Variants in CSMD1 observed in about 807,000 individuals in gnomAD.
CSMD1 encodes the protein CUB and sushi domain-containing protein 1.
Under a neutral mutation model 417.5 loss-of-function variants are expected in CSMD1, and 213 were observed. The ratio of observed to expected loss-of-function variants is 0.51; its 90% CI spans 0.46 to 0.57. The LOEUF (loss-of-function observed/expected upper bound fraction) is 0.57. Among genes scored for constraint, CSMD1 ranks in the 20% least tolerant of loss-of-function variants. The pLI is 0.00. For synonymous variants in CSMD1, 2,862 were observed against 1,736.8 expected, an observed-to-expected ratio of 1.65 and a Z score of -16.11; for missense variants, 6,923 against 4,529.7, an observed-to-expected ratio of 1.53 and a Z score of -15.17.
intron 2 of CSMD1, among the ~76,000 whole-genome samples, chr8:4,465,153 T>C (rs1800088361): frequency 6.6e-6 from 1 of 152,178 alleles, no homozygotes; most frequent in South Asian, 2.1e-4. Context: ...ACCCCCAAAC[T>C]ATGTCACTTT....
intron 5 of CSMD1, among the ~76,000 whole-genome samples, chr8:3,870,933 T>G (rs1805442374): frequency 6.6e-6 from 1 of 152,074 alleles, no homozygotes; most frequent in Non-Finnish European, 1.5e-5. Flanking sequence ...TAGCTTTTTA[T>G]GTATTCATAA....
chr8:4,135,639 G>A (rs943274592), intron 3 of CSMD1, among the ~76,000 whole-genome samples: 1 of 152,046 alleles, frequency 6.6e-6, no homozygotes, highest in South Asian at 2.1e-4. Flanking sequence ...AAAGATGTTT[G>A]GGATAATATA....
intron 1 of CSMD1, among the ~76,000 whole-genome samples, chr8:4,749,304 G>C (rs554407437): frequency 2.0e-5 from 3 of 152,286 alleles, no homozygotes; most frequent in Middle Eastern, 3.4e-3. Flanking sequence ...GTTACTTTTA[G>C]TTTGACATTG....
intron 5 of CSMD1, among the ~76,000 whole-genome samples, chr8:3,795,955 TACAG>T (rs1460468841): frequency 4.5e-5 from 2 of 44,688 alleles, no homozygotes; most frequent in Non-Finnish European, 8.4e-5. Context: ...ATCTATCATG[TACAG>T]ATATAGATAT....
At chr8:3,961,447 A>G (rs1274387480) in intron 5 of CSMD1, among the ~76,000 whole-genome samples, 1 of 152,206 alleles carries the variant, frequency 6.6e-6, no homozygotes, top group Non-Finnish European at 1.5e-5. Context: ...GATCTTTGAC[A>G]CAGATTTAAA....
chr8:4,636,883 C>A (rs1802843401), intron 2 of CSMD1, among the ~76,000 whole-genome samples: 1 of 152,058 alleles, frequency 6.6e-6, no homozygotes, highest in Non-Finnish European at 1.5e-5. Flanking sequence ...TTGTAAAATG[C>A]ACCAATCAGC....
At chr8:3,476,294 T>C (rs1817415307) in intron 11 of CSMD1, among the ~76,000 whole-genome samples, 2 of 152,232 alleles carry the variant, frequency 1.3e-5, no homozygotes, top group African/African-American at 4.8e-5. Flanking sequence ...ATCAGTAGTT[T>C]GTTTTTGGGA....
At chr8:4,610,940 A>G (rs954156937) in intron 2 of CSMD1, among the ~76,000 whole-genome samples, 1 of 152,194 alleles carries the variant, frequency 6.6e-6, no homozygotes, top group African/African-American at 2.4e-5. Context: ...TGGAAATCAC[A>G]TTCGATAAAA....
rs542808421 is a variant in CSMD1, at chr8:4,428,202, T to C, written c.303-8137A>G. 4.7e-4 allele frequency among the ~76,000 whole-genome samples: 71 copies of C among 152,326 alleles called. No homozygotes were observed. In the South Asian group the frequency reaches 0.014, roughly 31 times the overall value. On this transcript the variant is annotated intron_variant, in intron 2 of 69. Coordinates refer to ENST00000635120, the MANE Select transcript of CSMD1 (RefSeq NM_033225.6). ...AGGAAAACAAACCCATGTTCACTTG[T>C]ACTGTGTCCACTGAACCACACATTC...
intron 3 of CSMD1, among the ~76,000 whole-genome samples, chr8:4,206,605 T>C (rs1770044644): frequency 6.6e-6 from 1 of 152,162 alleles, no homozygotes; most frequent in Non-Finnish European, 1.5e-5. Flanking sequence ...TCTGGGTTGG[T>C]TCCAAGCTTT....
intron 4 of CSMD1, among the ~76,000 whole-genome samples, chr8:4,023,916 C>G (rs1461016673): frequency 6.6e-6 from 1 of 151,800 alleles, no homozygotes; most frequent in African/African-American, 2.4e-5. Context: ...AGCACCCGAC[C>G]ACTGCTTTTC....
At chr8:3,664,057 G>C (rs1423368839) in intron 7 of CSMD1, among the ~76,000 whole-genome samples, 2 of 152,166 alleles carry the variant, frequency 1.3e-5, no homozygotes, top group African/African-American at 4.8e-5. Flanking sequence ...TAAACTTTAA[G>C]TTCTAGGGTA....
chr8:4,104,691 G>C (rs186427715), intron 3 of CSMD1, among the ~76,000 whole-genome samples: 1 of 152,226 alleles, frequency 6.6e-6, no homozygotes, highest in Admixed American at 6.5e-5. Flanking sequence ...AGTTCCAGGC[G>C]GTTTCACACA....
chr8:4,246,140 G>C (rs1329300770), intron 3 of CSMD1, among the ~76,000 whole-genome samples: 1 of 152,088 alleles, frequency 6.6e-6, no homozygotes, highest in South Asian at 2.1e-4. Flanking sequence ...ATTAAGCCTA[G>C]TACCCATTAT....
chr8:2,951,081 C>T, intron 66 of CSMD1, 33 bp downstream of exon 66: 3 of 1,598,506 alleles, frequency 1.9e-6, no homozygotes, highest in Non-Finnish European at 2.6e-6. Context: ...TTTCTGCTCA[C>T]ACCATGCGTT....
At chr8:3,737,138 T>A (rs1018621086) in intron 6 of CSMD1, among the ~76,000 whole-genome samples, 4 of 152,248 alleles carry the variant, frequency 2.6e-5, no homozygotes, top group African/African-American at 7.2e-5. Context: ...TTAAATTAGA[T>A]GGGAACAGAG....
chr8:4,644,406 C>T (rs183858668), intron 1 of CSMD1, among the ~76,000 whole-genome samples: 56 of 87,240 alleles, frequency 6.4e-4, no homozygotes, highest in African/African-American at 2.4e-3. Context: ...TACATGCTAC[C>T]CTTTGCCCTA....
At chr8:3,369,142 A>C in intron 19 of CSMD1, 112 bp downstream of exon 19, 1 of 587,564 alleles carries the variant, frequency 1.7e-6, no homozygotes, top group Non-Finnish European at 3.1e-6. Context: ...TGAACTATAC[A>C]TGAGAAAAGT....
intron 2 of CSMD1, among the ~76,000 whole-genome samples, chr8:4,441,095 G>GTTTTTGTTTTTTTTTTTTTT (rs1798444278): frequency 3.9e-5 from 2 of 51,296 alleles, no homozygotes; most frequent in African/African-American, 1.3e-4. Context: ...TAATCAAAAG[G>GTTTTTGTTTTTTTTTTTTTT]TTTTTTTTTT....
Sources: allele counts gnomAD v4.1 joint callset (sites outside exome capture counted in the v4.1 genomes callset), GRCh38; gene constraint gnomAD v4.1.1; transcripts MANE v1.5; gene names NCBI Gene and HGNC (gene_info 2026-07-23, HGNC 2026-07-21).